Variants in FRMD4A observed in about 807,000 individuals in gnomAD.
FRMD4A encodes FERM domain containing 4A, also known as FERM domain-containing protein 4A.
Under a neutral mutation model 129.1 loss-of-function variants are expected in FRMD4A, and 29 were observed. The ratio of observed to expected loss-of-function variants is 0.22; its 90% CI spans 0.17 to 0.31. The LOEUF is 0.31. FRMD4A is among the 10% of genes least tolerant of loss of function. The probability of loss-of-function intolerance (pLI) is 1.00; values close to 1 mark genes in which losing one functional copy is unlikely to be tolerated. For missense variants in FRMD4A, 1,272 were observed against 1,375.8 expected, an observed-to-expected ratio of 0.92 and a Z score of 1.19; for synonymous variants, 634 against 571.6, an observed-to-expected ratio of 1.11 and a Z score of -1.56.
chr10:14,040,512 C>G (rs1421712001), intron 2 of FRMD4A, among the ~76,000 whole-genome samples: 1 of 152,156 alleles, frequency 6.6e-6, no homozygotes, highest in African/African-American at 2.4e-5. Flanking sequence ...GAGAATGATG[C>G]AATTCTTTAA....
chr10:14,241,746 G>A (rs1329445448), intron 2 of FRMD4A, among the ~76,000 whole-genome samples: 1 of 130,336 alleles, frequency 7.7e-6, no homozygotes, highest in African/African-American at 2.9e-5. Context: ...TTAAACAGAG[G>A]TGTTGCCAGG....
chr10:14,186,052 C>G (rs546613776), intron 2 of FRMD4A, among the ~76,000 whole-genome samples: 1 of 151,794 alleles, frequency 6.6e-6, no homozygotes, highest in Non-Finnish European at 1.5e-5. Flanking sequence ...GACCTACCCC[C>G]GTAAAGGAGA....
At chr10:14,201,026 T>C (rs578104462) in intron 2 of FRMD4A, among the ~76,000 whole-genome samples, 40 of 152,314 alleles carry the variant, frequency 2.6e-4, no homozygotes, top group African/African-American at 9.1e-4. Context: ...CAGAGCCAGC[T>C]TCATCCTACT....
chr10:13,977,368 C>A (rs1279964810), intron 2 of FRMD4A, among the ~76,000 whole-genome samples: 4 of 152,182 alleles, frequency 2.6e-5, no homozygotes, highest in Non-Finnish European at 5.9e-5. Context: ...TTTCCATCCA[C>A]TGAATGCCGT....
intron 15 of FRMD4A, among the ~76,000 whole-genome samples, chr10:13,680,020 G>A (rs2084398983): frequency 6.6e-6 from 1 of 152,232 alleles, no homozygotes. Context: ...TAAAAGGGAA[G>A]AAGGAAAGAA....
chr10:13,680,596 T>C (rs908869995), intron 15 of FRMD4A, among the ~76,000 whole-genome samples: 2 of 151,812 alleles, frequency 1.3e-5, no homozygotes, highest in Admixed American at 6.6e-5. Context: ...CGTTGTGGCA[T>C]GCACCTGTAA....
At chr10:13,727,935 G>A (rs2090025699) in intron 12 of FRMD4A, 1 of 152,150 alleles carries the variant, frequency 6.6e-6, no homozygotes, top group African/African-American at 2.4e-5. Context: ...AAATAAATTT[G>A]ACTGCCTTTC....
At chr10:14,090,657 G>A (rs1836608659) in intron 2 of FRMD4A, among the ~76,000 whole-genome samples, 1 of 152,138 alleles carries the variant, frequency 6.6e-6, no homozygotes, top group African/African-American at 2.4e-5. Context: ...TGAGGCCTGG[G>A]TACTACTTGT....
chr10:13,885,914 T>G (rs2094613754), intron 2 of FRMD4A, among the ~76,000 whole-genome samples: 1 of 151,904 alleles, frequency 6.6e-6, no homozygotes, highest in Non-Finnish European at 1.5e-5. Flanking sequence ...TCTCCTTCTC[T>G]CTCTCTCTCT....
chr10:14,327,893 T>A (rs1029044701), intron 2 of FRMD4A, among the ~76,000 whole-genome samples: 1 of 152,166 alleles, frequency 6.6e-6, no homozygotes, highest in African/African-American at 2.4e-5. Flanking sequence ...ATAATAATGT[T>A]TACAGCTTCC....
intron 2 of FRMD4A, among the ~76,000 whole-genome samples, chr10:14,222,026 A>G (rs1270080086): frequency 1.3e-5 from 2 of 152,174 alleles, no homozygotes; most frequent in Non-Finnish European, 2.9e-5. Context: ...TTTTAAAGGG[A>G]GAAAATGATT....
intron 5 of FRMD4A, among the ~76,000 whole-genome samples, chr10:13,783,661 C>T (rs1450735889): frequency 1.3e-5 from 2 of 152,042 alleles, no homozygotes; most frequent in South Asian, 2.1e-4. Context: ...AGCCACTGTG[C>T]CCAGCCAAGT....
At chr10:13,685,476 T>A in intron 15 of FRMD4A, 1 of 984,474 alleles carries the variant, frequency 1.0e-6, no homozygotes, top group Non-Finnish European at 1.2e-6. Flanking sequence ...TCTTAGGCTG[T>A]GAAATGAGGG....
chr10:13,903,562 C>G (rs1565006804), intron 2 of FRMD4A, among the ~76,000 whole-genome samples: 4 of 151,938 alleles, frequency 2.6e-5, no homozygotes, highest in Non-Finnish European at 1.5e-5. Context: ...GACTCCAACT[C>G]TACAAAAAAT....
At chr10:14,068,055 G>GT (rs1333373642) in intron 2 of FRMD4A, among the ~76,000 whole-genome samples, 1 of 152,184 alleles carries the variant, frequency 6.6e-6, no homozygotes, top group African/African-American at 2.4e-5. Context: ...CAGTAGAAGT[G>GT]TATTTTATTA....
At chr10:13,982,490 G>T (rs959800001) in intron 2 of FRMD4A, among the ~76,000 whole-genome samples, 1 of 135,574 alleles carries the variant, frequency 7.4e-6, no homozygotes, top group African/African-American at 3.0e-5. Context: ...GGAGGGGAGG[G>T]GAGGGGAGGG....
intron 2 of FRMD4A, among the ~76,000 whole-genome samples, chr10:14,181,859 T>C (rs1437907010): frequency 1.3e-5 from 2 of 152,104 alleles, no homozygotes; most frequent in African/African-American, 2.4e-5. Flanking sequence ...CCCAGCTAAT[T>C]TGTGTACTTT....
intron 24 of FRMD4A, among the ~76,000 whole-genome samples, chr10:13,650,041 T>C (rs1262736470): frequency 6.6e-6 from 1 of 152,200 alleles, no homozygotes; most frequent in African/African-American, 2.4e-5. Context: ...AAGAATGCCC[T>C]TTCCCAGGGC....
intron 2 of FRMD4A, among the ~76,000 whole-genome samples, chr10:14,272,542 C>T (rs1282240736): frequency 6.6e-6 from 1 of 152,194 alleles, no homozygotes; most frequent in Non-Finnish European, 1.5e-5. Flanking sequence ...TGACATTTTG[C>T]TTCTCTAGAA....
Sources: allele counts gnomAD v4.1 joint callset (sites outside exome capture counted in the v4.1 genomes callset), GRCh38; gene constraint gnomAD v4.1.1; transcripts MANE v1.5; gene names NCBI Gene and HGNC (gene_info 2026-07-23, HGNC 2026-07-21).